The following TMPRSS15 variants were observed in gnomAD, a reference collection of about 807,000 sequenced individuals.
The protein encoded by TMPRSS15 is transmembrane serine protease 15.
In TMPRSS15, 128 loss-of-function variants were observed where a neutral mutation model predicts 125.3. The ratio of observed to expected loss-of-function variants is 1.02; its 90% confidence interval spans 0.89 to 1.18. TMPRSS15 has a LOEUF of 1.18. TMPRSS15 is among the 50% of genes most tolerant of loss of function. TMPRSS15 has a pLI of 0.00. For missense variants in TMPRSS15, 1,283 were observed against 1,212.7 expected (o/e 1.06, Z -0.86); for synonymous variants, 446 against 423.2 (o/e 1.05, Z -0.66).
chr21:18,329,183 T>C lies in TMPRSS15; in HGVS notation c.1766A>G (p.Asp589Gly). ...VVEIRDGEEA[D>G]SLLLAVYTGP... ...TGCAGACTTACCTAAGAGCAAGGAA[T>C]CAGCTTCTTCACCATCTCTTATTTC... The change falls in exon 15 of 25, where the codon GAT (aspartate) becomes GGT (glycine). Residue 589 changes from aspartate (D) to glycine (G), a missense_variant. By Grantham distance (94) the Asp-to-Gly change is moderately conservative. Coordinates refer to ENST00000284885, the MANE Select transcript of TMPRSS15 (RefSeq NM_002772.3). The C allele has an allele frequency of 6.2e-7, 1 of 1,612,788 alleles. No individual in the cohort carries two copies. The highest frequency in any genetic ancestry group is 2.2e-5 in the East Asian group (1 of 44,696).
In TMPRSS15 at chr21:18,279,042, A is replaced by C. The variant is rs1239379305; in HGVS notation, c.2686T>G (p.Cys896Gly). 3 of 1,586,252 alleles carry C rather than the reference A, an allele frequency of 1.9e-6. No homozygotes were observed. The Admixed American group carries it at 5.0e-5, about 27-fold the overall frequency. ...AAAACTTGATTTTCTTCCGGTAAAC[A>C]AATAGGTTGTATGTAATCTGGAAAA... ...VNYTDYIQPI[C>G]LPEENQVFPP... is the part of the protein sequence containing the mutation. The change falls in exon 23 of 25, where the codon TGT becomes GGT. Residue 896 changes from cysteine (C) to glycine (G), a missense_variant. Coordinates refer to ENST00000284885, the MANE Select transcript of TMPRSS15 (RefSeq NM_002772.3).
chr21:18,467,438 C>G (rs1360801033), intron 1 of TMPRSS15, among the ~76,000 whole-genome samples: 2 of 149,888 alleles, frequency 1.3e-5, no homozygotes, highest in Non-Finnish European at 3.0e-5. Flanking sequence ...TAAGTTCCTA[C>G]TTGCCTATCA....
At chr21:18,325,328 C>T (rs2075277960) in intron 16 of TMPRSS15, among the ~76,000 whole-genome samples, 1 of 151,860 alleles carries the variant, frequency 6.6e-6, no homozygotes, top group Non-Finnish European at 1.5e-5. Flanking sequence ...ATCGATTGAG[C>T]TACCACTTAC....
chr21:18,284,868 G>A (rs1304599934), intron 21 of TMPRSS15, among the ~76,000 whole-genome samples: 1 of 152,120 alleles, frequency 6.6e-6, no homozygotes, highest in Admixed American at 6.5e-5. Flanking sequence ...AGGCGTGGTG[G>A]TGCACGCCTG....
At chr21:18,284,684 A>G (rs1293992288) in intron 21 of TMPRSS15, among the ~76,000 whole-genome samples, 1 of 152,216 alleles carries the variant, frequency 6.6e-6, no homozygotes, top group Admixed American at 6.5e-5. Context: ...CTGGAATAGG[A>G]AATCCCCAAT....
chr21:18,403,542 T>C lies in TMPRSS15; in HGVS notation c.81A>G (p.Ile27Met). ...YEIMFAALFA[I>M]LVVLCAGLIA... Reference sequence around the variant, plus strand: ...TTAATCCAGCACAGAGCACTACCAATATGGCAAAGAGAGCTGCAAACATGA... The same window carrying C: ...TTAATCCAGCACAGAGCACTACCAACATGGCAAAGAGAGCTGCAAACATGA... The change falls in exon 1 of 25, where the codon ATA becomes ATG. Residue 27 changes from isoleucine to methionine, a missense_variant. Ile to Met is a conservative substitution (Grantham distance 10). Transcript: ENST00000284885. 2 of 1,614,140 alleles carry C rather than the reference T, an allele frequency of 1.2e-6. No homozygotes were observed. Among genetic ancestry groups the C allele is most frequent in the Non-Finnish European group, 1.7e-6 (2 of 1,180,018 alleles).
At chr21:18,474,504 G>A (rs1239370175) in intron 1 of TMPRSS15, among the ~76,000 whole-genome samples, 3 of 151,954 alleles carry the variant, frequency 2.0e-5, no homozygotes, top group African/African-American at 7.3e-5. Context: ...TGGTCAGGCT[G>A]GTCTCAAACT....
chr21:18,458,812 T>C (rs1978491912), intron 1 of TMPRSS15, among the ~76,000 whole-genome samples: 1 of 152,216 alleles, frequency 6.6e-6, no homozygotes. Flanking sequence ...CAGACTGCTA[T>C]ACAGCTGCCA....
intron 18 of TMPRSS15, among the ~76,000 whole-genome samples, chr21:18,299,183 A>C (rs2074938232): frequency 6.6e-6 from 1 of 152,228 alleles, no homozygotes. Flanking sequence ...AGTGGGCAGA[A>C]GGAAAATCTC....
chr21:18,381,787 C>T (rs558046238), intron 4 of TMPRSS15, among the ~76,000 whole-genome samples: 4 of 152,058 alleles, frequency 2.6e-5, no homozygotes, highest in African/African-American at 9.6e-5. Flanking sequence ...AATGCACATT[C>T]AAATAGAGAT....
At chr21:18,416,932 C>T (rs966286131) in intron 1 of TMPRSS15, among the ~76,000 whole-genome samples, 1 of 152,032 alleles carries the variant, frequency 6.6e-6, no homozygotes, top group African/African-American at 2.4e-5. Flanking sequence ...TTTTGAGATA[C>T]ACCATGGCAG....
chr21:18,469,783 GC>G (rs1270706340), intron 1 of TMPRSS15, among the ~76,000 whole-genome samples: 1 of 151,970 alleles, frequency 6.6e-6, no homozygotes, highest in African/African-American at 2.4e-5. Flanking sequence ...ATTTCTGTTG[GC>G]CATAAAAATA....
intron 22 of TMPRSS15, among the ~76,000 whole-genome samples, chr21:18,280,583 A>AAAAAAAAAC (rs2074682938): frequency 1.4e-5 from 2 of 141,348 alleles, no homozygotes; most frequent in African/African-American, 6.3e-5. Flanking sequence ...CTCAAAAAAA[A>AAAAAAAAAC]AAAAAAAAAA....
Position 18,269,805 on chromosome 21 carries a change from T to G in TMPRSS15, c.*164A>C. On this transcript the variant is annotated 3_prime_UTR_variant, in exon 25 of 25. Transcript: ENST00000284885. The stretch of plus-strand genomic sequence containing the variant: ...GTATTGCTATGGTGAATTTTATTAT[T>G]TTTAAAATTTTGTTTCCCTGGCCCC... 1.4e-6 allele frequency: 1 copy of G among 713,858 alleles called. No individual in the cohort carries two copies. The highest frequency in any genetic ancestry group is 2.3e-6 in the Non-Finnish European group (1 of 436,880). The allele number at this position is 713,858 out of a possible 1,614,324, so 44.2% of individuals were successfully genotyped here.
At chr21:18,430,924 C>T (rs560664087) in intron 1 of TMPRSS15, among the ~76,000 whole-genome samples, 2 of 152,112 alleles carry the variant, frequency 1.3e-5, no homozygotes, top group African/African-American at 4.8e-5. Context: ...AATTATACAG[C>T]TTTTGTGACA....
chr21:18,426,253 CT>C (rs947509320), intron 1 of TMPRSS15, among the ~76,000 whole-genome samples: 1 of 152,146 alleles, frequency 6.6e-6, no homozygotes, highest in East Asian at 1.9e-4. Context: ...TTATTATCTA[CT>C]TTTTATGCAA....
In TMPRSS15 at chr21:18,413,367, T is replaced by TC. The variant is rs1358086659; in HGVS notation, c.11-15039dup. Among the ~76,000 whole-genome samples the TC allele has an allele frequency of 1.7e-4, 24 of 141,046 alleles. No homozygotes were observed. In the East Asian group the frequency reaches 4.7e-3, roughly 27 times the overall value. The allele number at this position is 141,046 out of a possible 152,430, so 92.5% of individuals were successfully genotyped here. A position where few individuals can be genotyped will look rare whatever the true frequency, so the allele number is the denominator to read the frequency against. ...TCCTTCCTTCCTTCCTTCCTTTCCT[T>TC]CCTTCCTTCCTTTCTTTCTATCTTT... On this transcript the variant is annotated intron_variant, in intron 1 of 7. Transcript: ENST00000422787.
chr21:18,435,080 A>AT (rs201980204), intron 1 of TMPRSS15, among the ~76,000 whole-genome samples: 6,619 of 151,994 alleles, frequency 0.044, 269 homozygotes, highest in African/African-American at 0.11. Flanking sequence ...AAAAACACCA[A>AT]TTTTTTTTAC....
In TMPRSS15 at chr21:18,269,920, A is replaced by G. The variant is rs1481808654; in HGVS notation, c.*49T>C. 1.9e-6 allele frequency: 3 copies of G among 1,605,420 alleles called. No individual in the cohort carries two copies. Among genetic ancestry groups the G allele is most frequent in the Non-Finnish European group, 1.7e-6 (2 of 1,173,604 alleles). The stretch of plus-strand genomic sequence containing the variant: ...AACACTTAATTTCCATGCTTTCTAG[A>G]GTAGAATGGGAAAATAATGCGACTT... On this transcript the variant is annotated 3_prime_UTR_variant, in exon 25 of 25. Transcript: ENST00000284885.
Sources: allele counts gnomAD v4.1 joint callset (sites outside exome capture counted in the v4.1 genomes callset), GRCh38; gene constraint gnomAD v4.1.1; transcripts MANE v1.5; gene names NCBI Gene and HGNC (gene_info 2026-07-23, HGNC 2026-07-21).